The following ANO1 variants were observed in gnomAD, a reference collection of about 807,000 sequenced individuals.
The protein encoded by ANO1 is anoctamin 1.
Under a neutral mutation model 124.0 loss-of-function variants are expected in ANO1, and 59 were observed. The observed-to-expected ratio is 0.48, with a 90% confidence interval of 0.39 to 0.59. The LOEUF (loss-of-function observed/expected upper bound fraction) is 0.59. Ranked by LOEUF, ANO1 falls within the 20% of genes least tolerant of loss-of-function variation. The pLI is 0.00. For synonymous variants in ANO1, 529 were observed against 532.0 expected (o/e 0.99, Z 0.08); for missense variants, 1,059 against 1,328.0 (o/e 0.80, Z 3.15).
chr11:70,017,726 C>G (rs1856727820), intron 1 of ANO1, among the ~76,000 whole-genome samples: 1 of 151,722 alleles, frequency 6.6e-6, no homozygotes, highest in Admixed American at 6.6e-5. Flanking sequence ...ACTATATTGT[C>G]CAGGCTGGTC....
At chr11:70,000,863 G>A (rs567621445) in intron 1 of ANO1, among the ~76,000 whole-genome samples, 3 of 151,818 alleles carry the variant, frequency 2.0e-5, no homozygotes, top group Admixed American at 2.0e-4. Context: ...CCCAGCAACC[G>A]CAGTGACTCT....
At chr11:70,151,441 A>T (rs1041280808) in intron 12 of ANO1, among the ~76,000 whole-genome samples, 14 of 152,168 alleles carry the variant, frequency 9.2e-5, no homozygotes, top group Non-Finnish European at 1.3e-4. Context: ...TTGCCGTTTC[A>T]ATTAGAAAGA....
chr11:70,168,052 C>T (rs779803594), intron 21 of ANO1, among the ~76,000 whole-genome samples: 31 of 152,182 alleles, frequency 2.0e-4, no homozygotes, highest in African/African-American at 7.2e-4. Context: ...CCCTCAATCA[C>T]GTGGCTGGCC....
intron 1 of ANO1, among the ~76,000 whole-genome samples, chr11:70,059,683 T>G (rs573016227): frequency 6.6e-6 from 1 of 152,064 alleles, no homozygotes; most frequent in Admixed American, 6.5e-5. Context: ...GTCTTACGGA[T>G]GGATTTCCAT....
At chr11:70,045,721 C>T (rs1260721874) in intron 1 of ANO1, among the ~76,000 whole-genome samples, 4 of 152,022 alleles carry the variant, frequency 2.6e-5, no homozygotes, top group African/African-American at 9.7e-5. Flanking sequence ...ACAATATCCA[C>T]GTGAAAAGAT....
intron 1 of ANO1, among the ~76,000 whole-genome samples, chr11:70,028,637 C>G (rs1856950514): frequency 6.6e-6 from 1 of 152,126 alleles, no homozygotes; most frequent in African/African-American, 2.4e-5. Context: ...TGAAGCTTCC[C>G]CTCCTTCTCC....
At chr11:70,085,899 A>G (rs1273306019) in intron 1 of ANO1, among the ~76,000 whole-genome samples, 1 of 152,228 alleles carries the variant, frequency 6.6e-6, no homozygotes, top group African/African-American at 2.4e-5. Flanking sequence ...CGACCAGTGC[A>G]CAGCCATTTA....
intron 17 of ANO1, 29 bp downstream of exon 17, chr11:70,161,391 C>A: frequency 1.2e-6 from 2 of 1,609,054 alleles, no homozygotes; most frequent in Non-Finnish European, 8.5e-7. Flanking sequence ...GGTACTGTGG[C>A]CTGGACTCAG....
At chr11:70,130,154 G>C (rs367789702) in intron 10 of ANO1, among the ~76,000 whole-genome samples, 2 of 152,204 alleles carry the variant, frequency 1.3e-5, no homozygotes, top group Admixed American at 6.5e-5. Flanking sequence ...GACCCAACCA[G>C]CCAGGGTGTG....
At chr11:70,145,440 A>G (rs1565246427) in intron 11 of ANO1, among the ~76,000 whole-genome samples, 1 of 152,102 alleles carries the variant, frequency 6.6e-6, no homozygotes, top group East Asian at 1.9e-4. Flanking sequence ...GAAATGCATA[A>G]TTTTTATGTC....
chr11:69,970,389 C>A, the ANO1 span, among the ~76,000 whole-genome samples: 2 of 152,200 alleles, frequency 1.3e-5, no homozygotes, highest in Admixed American at 6.5e-5. Context: ...CTGACAGCAC[C>A]GTGGTGTTCA....
intron 10 of ANO1, among the ~76,000 whole-genome samples, chr11:70,131,187 T>A (rs2046742642): frequency 6.6e-6 from 1 of 152,130 alleles, no homozygotes; most frequent in South Asian, 2.1e-4. Context: ...CAGAGGTGAA[T>A]GTTCCAGGGC....
intron 11 of ANO1, among the ~76,000 whole-genome samples, chr11:70,148,716 G>A (rs1421108257): frequency 1.3e-5 from 2 of 152,230 alleles, no homozygotes; most frequent in Non-Finnish European, 2.9e-5. Context: ...TGCAAGCTGT[G>A]TGCTCACAAA....
At chr11:70,086,373 A>G (rs2044384298) in intron 1 of ANO1, among the ~76,000 whole-genome samples, 1 of 152,124 alleles carries the variant, frequency 6.6e-6, no homozygotes, top group East Asian at 1.9e-4. Context: ...CTGTGGGAAT[A>G]TCTGGTTTTT....
At chr11:70,082,763 G>A (rs1356612455) in intron 1 of ANO1, among the ~76,000 whole-genome samples, 2 of 151,998 alleles carry the variant, frequency 1.3e-5, no homozygotes, top group African/African-American at 4.8e-5. Context: ...CACAAGAAAG[G>A]CACCCACTCC....
chr11:70,074,244 C>T (rs549496920), upstream of ANO1, among the ~76,000 whole-genome samples: 140 of 152,226 alleles, frequency 9.2e-4, 2 homozygotes, highest in South Asian at 0.021. Context: ...CCCTGGGCTG[C>T]TCATGAGTCA....
chr11:70,153,088 T>C lies in ANO1; in HGVS notation c.1385T>C (p.Val462Ala), dbSNP rs1397778455. 2 of 1,607,904 alleles carry C rather than the reference T, an allele frequency of 1.2e-6. No homozygotes were observed. Among genetic ancestry groups the C allele is most frequent in the Admixed American group, 1.7e-5 (1 of 59,240 alleles). ...CCTAGAGCTGAATACGAAGCCAGAG[T>C]CTTGGAGAAGTCTCTGAAGAAAGAG... The part of the protein sequence containing the change: ...DHPRAEYEAR[V>A]LEKSLKKESR... Residue 462 changes from valine to alanine, a missense_variant, in exon 14 of 26, where the codon GTC becomes GCC. Transcript: ENST00000355303.
rs570509539 is a variant in ANO1, at chr11:70,177,939, G to A, written c.2351-2065G>A. Among the ~76,000 whole-genome samples, 3 of 152,292 alleles carry A rather than the reference G, an allele frequency of 2.0e-5. No homozygotes were observed. The East Asian group carries it at 5.8e-4, about 29-fold the overall frequency. ...ACATTTTCCTGGTTTTTAAGCATCC[G>A]TCTGCATTTTTAAGCAGTAGACAAG... On this transcript the variant is annotated intron_variant, in intron 22 of 25. Transcript: ENST00000355303.
intron 16 of ANO1, among the ~76,000 whole-genome samples, chr11:70,160,714 G>T (rs1175522840): frequency 6.6e-6 from 1 of 152,234 alleles, no homozygotes; most frequent in East Asian, 1.9e-4. Flanking sequence ...CTCACCATGG[G>T]TTGGGGGAGA....
Sources: gnomAD v4.1 joint callset for allele counts (sites outside exome capture counted in the v4.1 genomes callset) on GRCh38, gnomAD v4.1.1 for gene constraint, MANE v1.5 for transcripts, NCBI Gene and HGNC (gene_info 2026-07-23, HGNC 2026-07-21) for gene names.